The following ADNP2 variants were observed in gnomAD, a reference collection of about 807,000 sequenced individuals.
ADNP2 encodes the protein activity-dependent neuroprotector homeobox protein 2.
ADNP2 carries 8 observed loss-of-function variants against 16.4 expected under a neutral mutation model. That is an observed-to-expected ratio of 0.49 (90% CI 0.29 to 0.88). ADNP2 has a LOEUF of 0.88. ADNP2 is among the 40% of genes least tolerant of loss of function. The pLI is 0.09. For synonymous variants in ADNP2, 637 were observed against 545.8 expected (o/e 1.17, Z -2.33); for missense variants, 1,397 against 1,395.1 (o/e 1.00, Z -0.02).
At position 80,137,293 on chromosome 18, in the gene ADNP2, C is replaced by T; in HGVS notation, c.1880C>T (p.Pro627Leu). Reference sequence around the variant, plus strand: ...CCCGTGTCTGTCACTCTGCCGGTTCCCCCTGGAGGCCTTGCGACTGTCGCT... The same window carrying T: ...CCCGTGTCTGTCACTCTGCCGGTTCTCCCTGGAGGCCTTGCGACTGTCGCT... ...LAPVSVTLPV[P>L]PGGLATVAPP... The change falls in exon 4 of 4, where the codon CCC becomes CTC. Residue 627 changes from proline to leucine, a missense_variant. Transcript: ENST00000262198. This position sits in a 1 kb window ranked among gnomAD's most constrained non-coding sequence, Gnocchi z 4.2. The T allele has an allele frequency of 3.7e-6, 6 of 1,614,018 alleles. No homozygotes were observed. The highest frequency in any genetic ancestry group is 5.1e-6 in the Non-Finnish European group (6 of 1,179,940).
In ADNP2 at chr18:80,136,389, G is replaced by C. The variant is rs1365581197; in HGVS notation, c.976G>C (p.Ala326Pro). 6.2e-7 allele frequency: 1 copy of C among 1,614,192 alleles called. No homozygotes were observed. Among genetic ancestry groups the C allele is most frequent in the Non-Finnish European group, 8.5e-7 (1 of 1,180,038 alleles). ...AAGCCTCACTCATTCCCCCCCTGCT[G>C]CTGGCCAATCCCACATGACTCTGGT... ...PGSLTHSPPAAGQSHMTLVSS... is the reference protein window; with the variant it reads ...PGSLTHSPPAPGQSHMTLVSS... The change falls in exon 4 of 4, where the codon GCT (alanine) becomes CCT (proline). Residue 326 changes from alanine to proline, a missense_variant. Around this residue, in one of 3 missense-constraint regions of ADNP2, gnomAD observed 777 missense variants for 719.4 expected, o/e 1.08. Coordinates refer to ENST00000262198, the MANE Select transcript of ADNP2 (RefSeq NM_014913.4).
In ADNP2 at chr18:80,137,271, G is replaced by A. The variant is rs372050062; in HGVS notation, c.1858G>A (p.Val620Met). The A allele has an allele frequency of 9.9e-6, 16 of 1,614,036 alleles. No homozygotes were observed. Among genetic ancestry groups the A allele is most frequent in the East Asian group, 2.2e-5 (1 of 44,900 alleles). ...GATTCCAACCTACACGCTGGCCCCC[G>A]TGTCTGTCACTCTGCCGGTTCCCCC... ...NGIPTYTLAP[V>M]SVTLPVPPGG... Residue 620 changes from valine (V) to methionine (M), a missense_variant, in exon 4 of 4, where the codon GTG (valine) becomes ATG (methionine). Physicochemically the swap from Val to Met is conservative, Grantham distance 21. Around this residue, in one of 3 missense-constraint regions of ADNP2, gnomAD observed 611 missense variants for 648.7 expected, o/e 0.94. Coordinates refer to ENST00000262198, the MANE Select transcript of ADNP2 (RefSeq NM_014913.4). This position sits in a 1 kb window ranked among gnomAD's most constrained non-coding sequence, Gnocchi z 4.2.
intron 2 of ADNP2, 129 bp from the exon 3 acceptor site, chr18:80,132,974 A>C: frequency 1.4e-6 from 1 of 694,234 alleles, no homozygotes; most frequent in Non-Finnish European, 2.4e-6. Context: ...ACCCTCCTCA[A>C]CCTCCCAAAG....
rs2052557784 is a variant in ADNP2 at position 80,138,402 on chromosome 18, C to T, written c.2989C>T (p.Pro997Ser). The T allele has an allele frequency of 3.1e-6, 5 of 1,613,990 alleles. No homozygotes were observed. Among genetic ancestry groups the T allele is most frequent in the African/African-American group, 1.3e-5 (1 of 75,036 alleles). ...AEDQRHGEEQ[P>S]PILNADAAPG... ...AGACCAGCGGCATGGGGAGGAGCAGCCTCCCATCCTAAATGCCGATGCAGC... is the reference window on the plus strand; with the variant it reads ...AGACCAGCGGCATGGGGAGGAGCAGTCTCCCATCCTAAATGCCGATGCAGC... Residue 997 changes from proline to serine, a missense_variant, in exon 4 of 4, where the codon CCT becomes TCT. Around this residue, in one of 3 missense-constraint regions of ADNP2, gnomAD observed 611 missense variants for 648.7 expected, o/e 0.94. Transcript: ENST00000262198.
In ADNP2 at chr18:80,136,890, G is replaced by C. The variant is rs2052541176; in HGVS notation, c.1477G>C (p.Ala493Pro). Residue 493 changes from alanine to proline, a missense_variant, in exon 4 of 4, where the codon GCT (alanine) becomes CCT (proline). By Grantham distance (27) the Ala-to-Pro change is conservative. Around this residue, in one of 3 missense-constraint regions of ADNP2, gnomAD observed 777 missense variants for 719.4 expected, o/e 1.08. Transcript: ENST00000262198. Reference protein sequence around the residue: ...QSGVLPVGQTAPSRVLPPGQT... With the variant: ...QSGVLPVGQTPPSRVLPPGQT... ...AGGAGTTCTCCCTGTGGGCCAGACA[G>C]CTCCGTCACGGGTTCTTCCCCCAGG... 1.2e-6 allele frequency: 2 copies of C among 1,614,152 alleles called. No homozygotes were observed. The highest frequency in any genetic ancestry group is 1.7e-6 in the Non-Finnish European group (2 of 1,180,014).
chr18:80,125,470 C>T (rs977873319), intron 2 of ADNP2, among the ~76,000 whole-genome samples: 2 of 152,104 alleles, frequency 1.3e-5, no homozygotes, highest in Non-Finnish European at 2.9e-5. Context: ...GGTGCAACCC[C>T]ATCTCTACTA....
At chr18:80,126,694 T>C (rs905949975) in intron 2 of ADNP2, among the ~76,000 whole-genome samples, 3 of 152,238 alleles carry the variant, frequency 2.0e-5, no homozygotes, top group Admixed American at 1.3e-4. Flanking sequence ...TGTGTGTCTT[T>C]TGCTTAGAGT....
At chr18:80,119,472 A>C (rs2052410712) in intron 2 of ADNP2, among the ~76,000 whole-genome samples, 1 of 152,094 alleles carries the variant, frequency 6.6e-6, no homozygotes, top group South Asian at 2.1e-4. Flanking sequence ...AGAGAGAAAG[A>C]ACCAAGGAAA....
Position 80,135,885 on chromosome 18 carries a change from C to T in ADNP2, c.472C>T (p.Leu158=). ...GAGCGATGTGATAAGTTTCACATGTCTAAAATGTAACTTTTCAAACACTTT... is the reference window on the plus strand; with the variant it reads ...GAGCGATGTGATAAGTTTCACATGTTTAAAATGTAACTTTTCAAACACTTT... ...SRSDVISFTC[L]KCNFSNTLYY... is the part of the protein sequence containing the mutation. Residue 158 remains leucine, a synonymous_variant, in exon 4 of 4, where the codon CTA becomes TTA. Transcript: ENST00000262198. 6.2e-7 allele frequency: 1 copy of T among 1,614,186 alleles called. No homozygotes were observed. The highest frequency in any genetic ancestry group is 1.1e-5 in the South Asian group (1 of 91,076).
chr18:80,114,034 T>TA lies in ADNP2; in HGVS notation c.-13-3488dup, dbSNP rs1239543646. On this transcript the variant is annotated intron_variant, in intron 1 of 3. Transcript: ENST00000262198. ...GGGAGACCCTGTCTCTACCAAAAAA[T>TA]AAAAAAAAGTTAGCCAGGTGTGGTG... Among the ~76,000 whole-genome samples the TA allele has an allele frequency of 5.3e-5, 8 of 150,800 alleles. No homozygotes were observed. In the East Asian group the frequency reaches 7.8e-4, roughly 15 times the overall value.
chr18:80,138,910 A>G lies in ADNP2; in HGVS notation c.*101A>G, dbSNP rs980225371. ...CTCACTGTGTTGGTGAATCAACCTC[A>G]GTGGTCACTGTGCTGCTCTGCAGAG... On this transcript the variant is annotated 3_prime_UTR_variant, in exon 4 of 4. Coordinates refer to ENST00000262198, the MANE Select transcript of ADNP2 (RefSeq NM_014913.4). 3 of 1,130,400 alleles carry G rather than the reference A, an allele frequency of 2.7e-6. No homozygotes were observed. The African/African-American group carries it at 4.8e-5, about 18-fold the overall frequency. The allele number at this position is 1,130,400 out of a possible 1,614,324, so 70.0% of individuals were successfully genotyped here. A position where few individuals can be genotyped will look rare whatever the true frequency, so the allele number is the denominator to read the frequency against.
rs762429635 is a variant in ADNP2, at chr18:80,134,341, AGAGT to A, written c.198+1153_198+1156del. ...GCCACTGCACTCCAGCCTCAGTAAC[AGAGT>A]GAGACTCTGTCAAAAAAAACAAAAA... On this transcript the variant is annotated intron_variant, in intron 3 of 3. Transcript: ENST00000262198. 3.3e-5 allele frequency among the ~76,000 whole-genome samples: 5 copies of A among 152,248 alleles called. No homozygotes were observed. In the East Asian group the frequency reaches 9.7e-4, roughly 29 times the overall value.
At chr18:80,129,012 C>T (rs577126231) in intron 2 of ADNP2, among the ~76,000 whole-genome samples, 1 of 151,454 alleles carries the variant, frequency 6.6e-6, no homozygotes, top group African/African-American at 2.4e-5. Flanking sequence ...TTTCACTTTT[C>T]TCTGTTCTGT....
At chr18:80,122,045 G>A (rs2052428669) in intron 2 of ADNP2, among the ~76,000 whole-genome samples, 1 of 151,902 alleles carries the variant, frequency 6.6e-6, no homozygotes, top group African/African-American at 2.4e-5. Flanking sequence ...TCAGCCTCTC[G>A]AGTAGCTGAG....
At position 80,114,345 on chromosome 18, in the gene ADNP2, G is replaced by A. The variant is rs1028536647; in HGVS notation, c.-13-3185G>A. ...TAATAAAAATTTGACATTTTAAATG[G>A]CATTTCTTTATTATTAAAGTTGAAT... On this transcript the variant is annotated intron_variant, in intron 1 of 3. Transcript: ENST00000262198. Among the ~76,000 whole-genome samples the A allele has an allele frequency of 3.9e-5, 6 of 152,038 alleles. No individual in the cohort carries two copies. The East Asian group carries it at 7.7e-4, about 20-fold the overall frequency.
In ADNP2 at chr18:80,130,905, G is replaced by T. The variant is rs4798944; in HGVS notation, c.109-2198G>T. ...ATCTGTGTTTCTCAGTTGTGAAACT[G>T]TGAGGTTGGGATCCCATCTGTCTTA... On this transcript the variant is annotated intron_variant, in intron 2 of 3. Coordinates refer to ENST00000262198, the MANE Select transcript of ADNP2 (RefSeq NM_014913.4). Among the ~76,000 whole-genome samples the T allele has an allele frequency of 6.2e-3, 947 of 152,314 alleles. 12 individuals are homozygous for T. Among genetic ancestry groups the T allele is most frequent in the African/African-American group, 0.021 (892 of 41,550 alleles).
At chr18:80,120,689 CTG>C (rs1452360941) in intron 2 of ADNP2, among the ~76,000 whole-genome samples, 1 of 151,292 alleles carries the variant, frequency 6.6e-6, no homozygotes, top group African/African-American at 2.4e-5. Context: ...TGGAATCACT[CTG>C]TCACCAGGCT....
rs1483752599 is a variant in ADNP2 at position 80,136,666 on chromosome 18, T to G, written c.1253T>G (p.Val418Gly). Reference sequence around the variant, plus strand: ...ATAAACAGACCTGTTGGGCCTGGTGTTCTTCCTGTGAGCCCCTCTGTCACC... The same window carrying G: ...ATAAACAGACCTGTTGGGCCTGGTGGTCTTCCTGTGAGCCCCTCTGTCACC... ...GPINRPVGPGVLPVSPSVTPG... is the reference protein window; with the variant it reads ...GPINRPVGPGGLPVSPSVTPG... The change falls in exon 4 of 4, where the codon GTT becomes GGT. Residue 418 changes from valine (V) to glycine (G), a missense_variant. Val to Gly is a moderately radical substitution (Grantham distance 109). Coordinates refer to ENST00000262198, the MANE Select transcript of ADNP2 (RefSeq NM_014913.4). 3.1e-6 allele frequency: 5 copies of G among 1,613,586 alleles called. No homozygotes were observed. Among genetic ancestry groups the G allele is most frequent in the South Asian group, 1.1e-5 (1 of 91,024 alleles).
chr18:80,114,192 C>CAA (rs138431229), intron 1 of ADNP2, among the ~76,000 whole-genome samples: 23 of 110,296 alleles, frequency 2.1e-4, no homozygotes, highest in Non-Finnish European at 2.4e-4. Context: ...GACCCTGTCT[C>CAA]AAAAAAAAAA....
Sources: gnomAD v4.1 joint callset for allele counts (sites outside exome capture counted in the v4.1 genomes callset) on GRCh38, gnomAD v4.1.1 for gene constraint, gnomAD v4.1.1 regional missense constraint, Gnocchi (gnomAD v3.1) non-coding constraint, MANE v1.5 for transcripts, NCBI Gene and HGNC (gene_info 2026-07-23, HGNC 2026-07-21) for gene names.